Variants in C1QTNF6 observed in about 807,000 individuals in gnomAD.
C1QTNF6 encodes the protein C1q and TNF related 6.
Under a neutral mutation model 20.7 loss-of-function variants are expected in C1QTNF6, and 17 were observed. That is an observed-to-expected ratio of 0.82 (90% CI 0.56 to 1.23). The LOEUF is 1.23. Ranked by LOEUF, C1QTNF6 falls within the 50% of genes most tolerant of loss-of-function variation. The pLI is 0.00. For missense variants in C1QTNF6, 329 were observed against 389.7 expected (o/e 0.84, Z 1.31); for synonymous variants, 130 against 156.3 (o/e 0.83, Z 1.25).
intron 1 of C1QTNF6, chr22:37,195,594 G>A (rs1490635028): frequency 6.6e-6 from 1 of 152,184 alleles, no homozygotes; most frequent in Admixed American, 6.5e-5. Flanking sequence ...AGAAACAAAA[G>A]AATGGCTACT....
In C1QTNF6 at chr22:37,184,464, G is replaced by A. The variant is rs961891390; in HGVS notation, c.289+754C>T. On this transcript the variant is annotated intron_variant, in intron 2 of 2. Coordinates refer to ENST00000337843, the MANE Select transcript of C1QTNF6 (RefSeq NM_031910.4). This position sits in a 1 kb window ranked among gnomAD's most constrained non-coding sequence, Gnocchi z 4.0. ...TATTGAGAGAGCGGGTAGCCAGCCC[G>A]CACCTGGACGGCCCTCACCTGGATG... 1.7e-5 allele frequency: 12 copies of A among 715,764 alleles called. No individual in the cohort carries two copies. Among genetic ancestry groups the A allele is most frequent in the African/African-American group, 5.3e-5 (3 of 57,024 alleles). The allele number at this position is 715,764 out of a possible 1,614,324, so 44.3% of individuals were successfully genotyped here.
intron 2 of C1QTNF6, among the ~76,000 whole-genome samples, chr22:37,195,055 G>A (rs1017481967): frequency 2.0e-5 from 3 of 152,202 alleles, no homozygotes; most frequent in African/African-American, 7.2e-5. Flanking sequence ...CCCCTTTGGG[G>A]AGAAGAAAGC....
upstream of C1QTNF6, among the ~76,000 whole-genome samples, chr22:37,189,204 A>C (rs1924649475): frequency 6.6e-6 from 1 of 152,192 alleles, no homozygotes; most frequent in Admixed American, 6.5e-5. Flanking sequence ...GCAAGCTAAC[A>C]CATTTTAATT....
upstream of C1QTNF6, among the ~76,000 whole-genome samples, chr22:37,198,852 C>G (rs575893264): frequency 2.6e-4 from 39 of 152,088 alleles, no homozygotes; most frequent in South Asian, 8.3e-4. Context: ...GAGCCCCGGG[C>G]CTGGTTCTAC....
chr22:37,195,402 T>C (rs1298735914), exon 2 of C1QTNF6: 1 of 152,258 alleles, frequency 6.6e-6, no homozygotes, highest in African/African-American at 2.4e-5. Context: ...CAATTGGGGC[T>C]GTAGTCTATT....
upstream of C1QTNF6, chr22:37,188,523 G>T: frequency 3.5e-6 from 1 of 286,726 alleles, no homozygotes. Context: ...TGATGATTGG[G>T]AAATGGACAC....
chr22:37,188,034 G>A (rs890638263), intron 1 of C1QTNF6, 129 bp downstream of exon 1: 2 of 944,226 alleles, frequency 2.1e-6, no homozygotes, highest in Non-Finnish European at 3.1e-6. Flanking sequence ...GGAGGGGAGA[G>A]CCTGGAGAGG....
At chr22:37,188,022 G>T in intron 1 of C1QTNF6, 141 bp downstream of exon 1, 1 of 842,008 alleles carries the variant, frequency 1.2e-6, no homozygotes. Context: ...AGGAGGAAAT[G>T]TGGAGGGGAG....
At chr22:37,190,112 A>AACGC (rs1244753728), upstream of C1QTNF6, among the ~76,000 whole-genome samples, 1 of 152,238 alleles carries the variant, frequency 6.6e-6, no homozygotes, top group Non-Finnish European at 1.5e-5. Flanking sequence ...GCAGACAAAA[A>AACGC]ACTCAAAAAC....
rs11913300 is a variant in C1QTNF6 at position 37,184,587 on chromosome 22, C to T, written c.289+631G>A. 296,934 of 647,876 alleles carry T rather than the reference C, an allele frequency of 0.46. 72,617 individuals carry two copies. The highest frequency in any genetic ancestry group is 0.54 in the Non-Finnish European group (189,146 of 353,160). The allele number at this position is 647,876 out of a possible 1,614,324, so 40.1% of individuals were successfully genotyped here. ...GACAGGCCCCACAGGGCTGCATGCT[C>T]CGACCCTCGGCCCCCGCTGGTTGCT... On this transcript the variant is annotated intron_variant, in intron 2 of 2. Coordinates refer to ENST00000337843, the MANE Select transcript of C1QTNF6 (RefSeq NM_031910.4). This position sits in a 1 kb window ranked among gnomAD's most constrained non-coding sequence, Gnocchi z 4.0.
intron 1 of C1QTNF6, among the ~76,000 whole-genome samples, chr22:37,187,599 G>T (rs1924477408): frequency 1.3e-5 from 2 of 150,144 alleles, no homozygotes; most frequent in African/African-American, 4.9e-5. Context: ...AGTGTGCTTT[G>T]ACTTCTTCCC....
chr22:37,197,765 C>T (rs1018496964), upstream of C1QTNF6: 2 of 152,292 alleles, frequency 1.3e-5, no homozygotes, highest in Non-Finnish European at 2.9e-5. Context: ...TTTGACCGTG[C>T]CTGAAAATTC....
chr22:37,190,637 A>G (rs1431874591), upstream of C1QTNF6: 1 of 151,996 alleles, frequency 6.6e-6, no homozygotes, highest in Non-Finnish European at 1.5e-5. Flanking sequence ...ATGCCACTCG[A>G]GTCAAACCCT....
At chr22:37,187,634 G>C (rs1211763115) in intron 1 of C1QTNF6, among the ~76,000 whole-genome samples, 1 of 152,004 alleles carries the variant, frequency 6.6e-6, no homozygotes, top group Non-Finnish European at 1.5e-5. Context: ...ATGGGAAGGA[G>C]AACTTCTCCC....
At chr22:37,192,425 T>C (rs148482596), upstream of C1QTNF6, among the ~76,000 whole-genome samples, 78 of 152,034 alleles carry the variant, frequency 5.1e-4, no homozygotes, top group East Asian at 0.013. Flanking sequence ...CTTTCCAGCA[T>C]AGCTGGGGGC....
chr22:37,182,605 C>T lies in C1QTNF6; in HGVS notation c.420G>A (p.Gln140=). 1 of 1,613,878 alleles carries T rather than the reference C, an allele frequency of 6.2e-7. No individual in the cohort carries two copies. The highest frequency in any genetic ancestry group is 1.1e-5 in the South Asian group (1 of 91,084). ...CCACTGAGAAGGCGAAGAAGCGCTT[C>T]TGGCACGGGGCGCCGGGGCTGCCCA... ...GEMGSPGAPC[Q]KRFFAFSVGR... Residue 140 remains glutamine (Q), a synonymous_variant, in exon 3 of 3, where the codon CAG becomes CAA. Coordinates refer to ENST00000337843, the MANE Select transcript of C1QTNF6 (RefSeq NM_031910.4).
At position 37,184,588 on chromosome 22, in the gene C1QTNF6, C is replaced by T. The variant is rs1288167876; in HGVS notation, c.289+630G>A. Among the ~76,000 whole-genome samples the T allele has an allele frequency of 1.3e-5, 2 of 152,150 alleles. No homozygotes were observed. Among genetic ancestry groups the T allele is most frequent in the African/African-American group, 4.8e-5 (2 of 41,420 alleles). On this transcript the variant is annotated intron_variant, in intron 2 of 2. Coordinates refer to ENST00000337843, the MANE Select transcript of C1QTNF6 (RefSeq NM_031910.4). This position sits in a 1 kb window ranked among gnomAD's most constrained non-coding sequence, Gnocchi z 4.0. ...ACAGGCCCCACAGGGCTGCATGCTC[C>T]GACCCTCGGCCCCCGCTGGTTGCTC...
At chr22:37,188,713 G>A (rs780627750), upstream of C1QTNF6, among the ~76,000 whole-genome samples, 3 of 152,228 alleles carry the variant, frequency 2.0e-5, no homozygotes, top group Non-Finnish European at 2.9e-5. Flanking sequence ...CAGTCGCGTC[G>A]CCTCTCAGAG....
At chr22:37,183,530 C>T (rs1188504078) in intron 2 of C1QTNF6, among the ~76,000 whole-genome samples, 1 of 152,254 alleles carries the variant, frequency 6.6e-6, no homozygotes, top group Non-Finnish European at 1.5e-5. Flanking sequence ...CAGGTGACCA[C>T]CCACGCCTGG....
Sources: allele counts gnomAD v4.1 joint callset (sites outside exome capture counted in the v4.1 genomes callset), GRCh38; gene constraint gnomAD v4.1.1; non-coding constraint Gnocchi (gnomAD v3.1); transcripts MANE v1.5; gene names NCBI Gene and HGNC (gene_info 2026-07-23, HGNC 2026-07-21).